The following ABCA3 variants were observed in gnomAD, a reference collection of about 807,000 sequenced individuals.
ABCA3 encodes ATP binding cassette subfamily A member 3.
ABCA3 carries 88 observed loss-of-function variants against 172.8 expected under a neutral mutation model. The observed-to-expected ratio is 0.51, with a 90% CI of 0.43 to 0.61. The LOEUF is 0.61. ABCA3 is among the 20% of genes least tolerant of loss of function. ABCA3 has a pLI of 0.00. For synonymous variants in ABCA3, 1,066 were observed against 983.8 expected (o/e 1.08, Z -1.56); for missense variants, 2,164 against 2,301.0 (o/e 0.94, Z 1.22).
At position 2,299,452 on chromosome 16, in the gene ABCA3, C is replaced by A. The variant is rs751198491; in HGVS notation, c.1692G>T (p.Leu564=). The A allele has an allele frequency of 1.5e-5, 24 of 1,613,764 alleles. No homozygotes were observed. The highest frequency in any genetic ancestry group is 2.0e-5 in the Non-Finnish European group (24 of 1,179,996). Residue 564 remains leucine, a synonymous_variant, in exon 14 of 33, where the codon CTG becomes CTT. Coordinates refer to ENST00000301732, the MANE Select transcript of ABCA3 (RefSeq NM_001089.3). ...TCTTCCCGGCACCGTTGTGGCCCAGCAGGACGGTGATCTGTCCCTCGTACA... is the reference window on the plus strand; with the variant it reads ...TCTTCCCGGCACCGTTGTGGCCCAGAAGGACGGTGATCTGTCCCTCGTACA... ...LNLYEGQITV[L]LGHNGAGKTT... is the part of the protein sequence containing the mutation.
rs763320124 is a variant in ABCA3 at position 2,289,593 on chromosome 16, C to G, written c.2541G>C (p.Met847Ile). Residue 847 changes from methionine to isoleucine, a missense_variant, in exon 20 of 33, where the codon ATG (methionine) becomes ATC (isoleucine). By Grantham distance (10) the Met-to-Ile change is conservative. This residue lies in a region of ABCA3 where 1,343 missense variants were observed against 1,369.6 expected (regional missense o/e 0.98). Coordinates refer to ENST00000301732, the MANE Select transcript of ABCA3 (RefSeq NM_001089.3). The stretch of plus-strand genomic sequence containing the variant: ...CAGGGAGCTGGATGGCCTGGATGTC[C>G]ATACTGCTGTCCACCAGCTTCCCGA... ...LRVGKLVDSSMDIQAIQLPAL... is the reference protein window; with the variant it reads ...LRVGKLVDSSIDIQAIQLPAL... The G allele has an allele frequency of 1.2e-5, 18 of 1,554,588 alleles. No individual in the cohort carries two copies. The highest frequency in any genetic ancestry group is 3.9e-5 in the Admixed American group (2 of 51,342).
intron 5 of ABCA3, 134 bp downstream of exon 5, chr16:2,325,876 A>G (rs2093733359): frequency 2.4e-6 from 3 of 1,243,488 alleles, no homozygotes; most frequent in African/African-American, 1.5e-5. Context: ...GTGATGCGGG[A>G]AGAAGCAGAG....
chr16:2,285,386 A>G lies in ABCA3; in HGVS notation c.3483+56T>C. ...GGTTCCGGTTCTGCACAGGGGTCCC[A>G]GGGCAAGCCCTCTGCGGTCTGCAGG... On this transcript the variant is annotated intron_variant, in intron 23 of 32. Coordinates refer to ENST00000301732, the MANE Select transcript of ABCA3 (RefSeq NM_001089.3). This position sits in a 1 kb window ranked among gnomAD's most constrained non-coding sequence, Gnocchi z 4.7. 1 of 1,553,328 alleles carries G rather than the reference A, an allele frequency of 6.4e-7. No individual in the cohort carries two copies. Among genetic ancestry groups the G allele is most frequent in the Non-Finnish European group, 8.7e-7 (1 of 1,148,044 alleles).
chr16:2,301,130 C>T (rs551664035), intron 12 of ABCA3, among the ~76,000 whole-genome samples: 2 of 150,946 alleles, frequency 1.3e-5, no homozygotes, highest in Admixed American at 6.6e-5. Context: ...ACTCGGGAGG[C>T]TGAGGCAGGA....
chr16:2,317,392 A>G lies in ABCA3; in HGVS notation c.1002T>C (p.Asn334=), dbSNP rs765867721. The change falls in exon 10 of 33, where the codon AAT becomes AAC. Residue 334 remains asparagine, a synonymous_variant. Coordinates refer to ENST00000301732, the MANE Select transcript of ABCA3 (RefSeq NM_001089.3). ...GGTCGCTGCGGGACAGCACGGCTAC[A>G]TTTGGCTTCACCTGCAGGGCACAGG... ...TLLFCVKVKP[N]VAVLSRSDPS... 10 of 1,613,532 alleles carry G rather than the reference A, an allele frequency of 6.2e-6. No individual in the cohort carries two copies. Among genetic ancestry groups the G allele is most frequent in the Middle Eastern group, 1.6e-4 (1 of 6,084 alleles).
intron 5 of ABCA3, among the ~76,000 whole-genome samples, chr16:2,324,859 G>T (rs1007064034): frequency 1.8e-4 from 28 of 152,112 alleles, no homozygotes; most frequent in African/African-American, 6.5e-4. Flanking sequence ...GCCCGGGGTG[G>T]CTTCTCTTTC....
intron 11 of ABCA3, among the ~76,000 whole-genome samples, chr16:2,306,790 C>T (rs562838436): frequency 5.9e-5 from 9 of 151,808 alleles, no homozygotes; most frequent in Middle Eastern, 3.4e-3. Flanking sequence ...CCGAGGCGGG[C>T]GGATCACAAG....
chr16:2,340,420 G>A (rs994759118), intron 1 of ABCA3, among the ~76,000 whole-genome samples, 153 bp downstream of exon 1: 7 of 151,210 alleles, frequency 4.6e-5, no homozygotes, highest in African/African-American at 9.7e-5. Context: ...GGCCGGAGGG[G>A]ATGCGGGGTC....
chr16:2,331,269 A>G (rs1285405788), intron 1 of ABCA3, among the ~76,000 whole-genome samples: 2 of 151,768 alleles, frequency 1.3e-5, no homozygotes, highest in African/African-American at 4.9e-5. Flanking sequence ...GCTGGGCACG[A>G]TCTCGGCTCA....
chr16:2,321,010 CCATTA>C (rs2093725251), intron 7 of ABCA3, among the ~76,000 whole-genome samples: 1 of 143,606 alleles, frequency 7.0e-6, no homozygotes, highest in African/African-American at 2.5e-5. Context: ...TTTTAAACCA[CCATTA>C]GGTCTTTTCG....
At chr16:2,318,525 T>C (rs1214807989) in intron 8 of ABCA3, among the ~76,000 whole-genome samples, 1 of 151,994 alleles carries the variant, frequency 6.6e-6, no homozygotes, top group Non-Finnish European at 1.5e-5. Context: ...TTTTCTTTTT[T>C]TTTTTTAGAT....
At chr16:2,276,861 G>T in intron 32 of ABCA3, 56 bp from the exon 33 acceptor site, 1 of 1,607,730 alleles carries the variant, frequency 6.2e-7, no homozygotes, top group Non-Finnish European at 8.5e-7. Context: ...GCTCCTCTGC[G>T]GGACCTGGGA....
chr16:2,299,463 T>C lies in ABCA3; in HGVS notation c.1681A>G (p.Ile561Val). 1.2e-6 allele frequency: 2 copies of C among 1,613,874 alleles called. No homozygotes were observed. Among genetic ancestry groups the C allele is most frequent in the South Asian group, 1.1e-5 (1 of 91,088 alleles). Residue 561 changes from isoleucine (I) to valine (V), a missense_variant, in exon 14 of 33, where the codon ATC becomes GTC. By Grantham distance (29) the Ile-to-Val change is conservative. This residue lies in a region of ABCA3 where 1,343 missense variants were observed against 1,369.6 expected (regional missense o/e 0.98). Coordinates refer to ENST00000301732, the MANE Select transcript of ABCA3 (RefSeq NM_001089.3). ...DLNLNLYEGQ[I>V]TVLLGHNGAG... The stretch of plus-strand genomic sequence containing the variant: ...CCGTTGTGGCCCAGCAGGACGGTGA[T>C]CTGTCCCTCGTACAGGTTGAGGTTC...
Position 2,278,240 on chromosome 16 carries a change from G to A in ABCA3, c.4718+48C>T. 6.2e-7 allele frequency: 1 copy of A among 1,602,716 alleles called. No individual in the cohort carries two copies. The highest frequency in any genetic ancestry group is 8.5e-7 in the Non-Finnish European group (1 of 1,179,784). On this transcript the variant is annotated intron_variant, in intron 30 of 32. Coordinates refer to ENST00000301732, the MANE Select transcript of ABCA3 (RefSeq NM_001089.3). The surrounding 1 kb of genome is among the most constrained non-coding windows in gnomAD (Gnocchi z 4.4). ...CTCCTGGCCACCTGGCTCCTCCATG[G>A]CCCACCCGGTGCTGAAACTTCCAGT...
Position 2,289,588 on chromosome 16 carries a change from A to C in ABCA3, c.2546T>G (p.Ile849Ser). 6.4e-7 allele frequency: 1 copy of C among 1,555,478 alleles called. No homozygotes were observed. Among genetic ancestry groups the C allele is most frequent in the Non-Finnish European group, 8.7e-7 (1 of 1,150,302 alleles). ...VGKLVDSSMDIQAIQLPALQY... is the reference protein window; with the variant it reads ...VGKLVDSSMDSQAIQLPALQY... ...CAGGGCAGGGAGCTGGATGGCCTGG[A>C]TGTCCATACTGCTGTCCACCAGCTT... Residue 849 changes from isoleucine (I) to serine (S), a missense_variant, in exon 20 of 33, where the codon ATC becomes AGC. Around this residue, in one of 3 missense-constraint regions of ABCA3, gnomAD observed 1,343 missense variants for 1,369.6 expected, o/e 0.98. Coordinates refer to ENST00000301732, the MANE Select transcript of ABCA3 (RefSeq NM_001089.3).
chr16:2,276,637 T>C lies in ABCA3; in HGVS notation c.*37A>G, dbSNP rs1367921513. On this transcript the variant is annotated 3_prime_UTR_variant, in exon 33 of 33. Coordinates refer to ENST00000301732, the MANE Select transcript of ABCA3 (RefSeq NM_001089.3). ...ATGTAAGATGGGCCCTGCTTGCCCG[T>C]CCTGTCCCTGCCTGATGGCGAGACA... The C allele has an allele frequency of 1.2e-6, 2 of 1,609,570 alleles. No homozygotes were observed. Among genetic ancestry groups the C allele is most frequent in the African/African-American group, 1.3e-5 (1 of 75,028 alleles).
At position 2,276,239 on chromosome 16, in the gene ABCA3, T is replaced by C. The variant is rs1443390045; in HGVS notation, c.*435A>G. The C allele has an allele frequency of 1.1e-5, 5 of 451,140 alleles. No homozygotes were observed. The highest frequency in any genetic ancestry group is 9.6e-5 in the Admixed American group (4 of 41,882). The allele number at this position is 451,140 out of a possible 1,614,324, so 27.9% of individuals were successfully genotyped here. ...GTCCATTCCTGGCGGCCTGGGGGCC[T>C]CGCTACAGTTCAACCTGGCTGGCTT... On this transcript the variant is annotated 3_prime_UTR_variant, in exon 33 of 33. Transcript: ENST00000301732.
In ABCA3 at chr16:2,279,235, T is replaced by G; in HGVS notation, c.4360-105A>C. On this transcript the variant is annotated intron_variant, in intron 28 of 32. Transcript: ENST00000301732. The surrounding 1 kb of genome is among the most constrained non-coding windows in gnomAD (Gnocchi z 4.4). ...TGAGGTGCCCACCACTGCGCCTGTC[T>G]GTGGTTCCTGCCAGTGTGTGTACAC... 7.5e-7 allele frequency: 1 copy of G among 1,339,674 alleles called. No homozygotes were observed. Among genetic ancestry groups the G allele is most frequent in the Non-Finnish European group, 1.0e-6 (1 of 967,086 alleles). The allele number at this position is 1,339,674 out of a possible 1,614,324, so 83.0% of individuals were successfully genotyped here.
chr16:2,321,380 T>C (rs1163723390), intron 7 of ABCA3, among the ~76,000 whole-genome samples: 2 of 152,174 alleles, frequency 1.3e-5, no homozygotes. Context: ...CTGGCACCAG[T>C]AAGGGACATC....
Sources: allele counts gnomAD v4.1 joint callset (sites outside exome capture counted in the v4.1 genomes callset), GRCh38; gene constraint gnomAD v4.1.1; regional missense constraint gnomAD v4.1.1; non-coding constraint Gnocchi (gnomAD v3.1); transcripts MANE v1.5; gene names NCBI Gene and HGNC (gene_info 2026-07-23, HGNC 2026-07-21).